Variants in ICA1 observed in about 807,000 individuals in gnomAD.
ICA1 encodes the protein islet cell autoantigen 1.
In ICA1, 40 loss-of-function variants were observed where a neutral mutation model predicts 71.0. That is an observed-to-expected ratio of 0.56 (90% CI 0.44 to 0.73). The LOEUF is 0.73. ICA1 is among the 30% of genes least tolerant of loss of function. ICA1 has a pLI of 0.00. For synonymous variants in ICA1, 207 were observed against 209.5 expected (o/e 0.99, Z 0.10); for missense variants, 578 against 576.5 (o/e 1.00, Z -0.03).
At chr7:8,203,833 G>C (rs1790562194) in intron 6 of ICA1, among the ~76,000 whole-genome samples, 1 of 152,148 alleles carries the variant, frequency 6.6e-6, no homozygotes, top group African/African-American at 2.4e-5. Context: ...AGGATCCTTT[G>C]CTGGATGCTG....
chr7:8,124,309 C>CGG (rs111726380), intron 13 of ICA1, among the ~76,000 whole-genome samples: 6,799 of 151,384 alleles, frequency 0.045, 300 homozygotes, highest in African/African-American at 0.12. Flanking sequence ...TTAGTAGAGC[C>CGG]GGGGTTTCAC....
At chr7:8,204,136 T>C (rs1194218464) in intron 6 of ICA1, among the ~76,000 whole-genome samples, 1 of 151,786 alleles carries the variant, frequency 6.6e-6, no homozygotes, top group African/African-American at 2.4e-5. Flanking sequence ...GAAAAACGAG[T>C]TCAGAGGACG....
At chr7:8,131,751 C>A (rs181507380) in intron 12 of ICA1, among the ~76,000 whole-genome samples, 2 of 152,184 alleles carry the variant, frequency 1.3e-5, no homozygotes, top group South Asian at 2.1e-4. Flanking sequence ...TGTAACCAGA[C>A]AAGTTGAGAC....
intron 6 of ICA1, among the ~76,000 whole-genome samples, chr7:8,186,506 T>C (rs1783960025): frequency 6.6e-6 from 1 of 151,770 alleles, no homozygotes; most frequent in African/African-American, 2.4e-5. Context: ...AGTAGAGTGG[T>C]TTTTCAGGAA....
At chr7:8,152,971 T>TACCCC (rs1800120504) in intron 8 of ICA1, among the ~76,000 whole-genome samples, 1 of 143,580 alleles carries the variant, frequency 7.0e-6, no homozygotes, top group South Asian at 2.5e-4. Context: ...ATCTCCTCCA[T>TACCCC]CACCACTACC....
intron 6 of ICA1, among the ~76,000 whole-genome samples, chr7:8,187,423 T>C (rs750543044): frequency 5.3e-5 from 8 of 152,156 alleles, no homozygotes; most frequent in Non-Finnish European, 7.4e-5. Flanking sequence ...TGTAGGGCAC[T>C]TCCCACAAAT....
At chr7:8,243,138 C>T (rs181605656) in intron 1 of ICA1, among the ~76,000 whole-genome samples, 10 of 152,248 alleles carry the variant, frequency 6.6e-5, no homozygotes, top group African/African-American at 2.4e-4. Context: ...GACCTATATC[C>T]CTGATAAACA....
intron 4 of ICA1, among the ~76,000 whole-genome samples, chr7:8,225,448 T>C (rs1798326559): frequency 6.6e-6 from 1 of 152,238 alleles, no homozygotes; most frequent in Non-Finnish European, 1.5e-5. Flanking sequence ...CCTTATGTTC[T>C]AGTGCTACAA....
At chr7:8,194,655 A>T (rs925290603) in intron 6 of ICA1, among the ~76,000 whole-genome samples, 1 of 152,242 alleles carries the variant, frequency 6.6e-6, no homozygotes, top group South Asian at 2.1e-4. Context: ...AGGTTTATGT[A>T]CAAAAAGTTT....
chr7:8,239,215 T>TAATTGTTTATGTCAGGA (rs1802903877), intron 1 of ICA1, among the ~76,000 whole-genome samples: 1 of 152,250 alleles, frequency 6.6e-6, no homozygotes, highest in Non-Finnish European at 1.5e-5. Context: ...TAAGATTTCC[T>TAATTGTTTATGTCAGGA]GACATAATCT....
chr7:8,131,176 C>T (rs1414511570), intron 12 of ICA1, among the ~76,000 whole-genome samples: 1 of 152,172 alleles, frequency 6.6e-6, no homozygotes, highest in African/African-American at 2.4e-5. Flanking sequence ...ATAATGAAGT[C>T]AACACATAGA....
chr7:8,177,042 T>C (rs971430151), intron 6 of ICA1, among the ~76,000 whole-genome samples: 3 of 152,252 alleles, frequency 2.0e-5, no homozygotes, highest in Admixed American at 1.3e-4. Flanking sequence ...TACTACTCTC[T>C]TTCCTTATCA....
intron 10 of ICA1, among the ~76,000 whole-genome samples, chr7:8,140,411 C>A (rs1314601695): frequency 6.6e-6 from 1 of 152,202 alleles, no homozygotes; most frequent in Non-Finnish European, 1.5e-5. Context: ...TCTGCTTTGA[C>A]AAGTCTTGCC....
intron 1 of ICA1, among the ~76,000 whole-genome samples, chr7:8,248,594 TG>T (rs1324885809): frequency 2.0e-5 from 3 of 152,124 alleles, no homozygotes; most frequent in Admixed American, 2.0e-4. Flanking sequence ...TGCACACTTG[TG>T]GTCCCAGCTA....
At position 8,232,691 on chromosome 7, in the gene ICA1, G is replaced by C. The variant is rs748434259; in HGVS notation, c.82C>G (p.Gln28Glu). Residue 28 changes from glutamine (Q) to glutamate (E), a missense_variant, in exon 3 of 14, where the codon CAG (glutamine) becomes GAG (glutamate). By Grantham distance (29) the Gln-to-Glu change is conservative. Transcript: ENST00000402384. Reference protein sequence around the residue: ...QDKSVVNKMQQKYWETKQAFI... With the variant: ...QDKSVVNKMQEKYWETKQAFI... The stretch of plus-strand genomic sequence containing the variant: ...GCCTGCTTCGTCTCCCAATATTTCT[G>C]TTGCATCTTATTTACAACTGACTTA... The C allele has an allele frequency of 6.8e-6, 11 of 1,612,304 alleles. No homozygotes were observed. The highest frequency in any genetic ancestry group is 9.3e-6 in the Non-Finnish European group (11 of 1,179,166).
At position 8,113,876 on chromosome 7, in the gene ICA1, GGAGCTGCTGGGGGCGGCATGT is replaced by G; in HGVS notation, c.*26_*46del. The G allele has an allele frequency of 6.2e-7, 1 of 1,602,390 alleles. No homozygotes were observed. The highest frequency in any genetic ancestry group is 8.6e-7 in the Non-Finnish European group (1 of 1,169,544). Reference sequence around the variant, plus strand: ...CTTTATACTTCTGCTAGCCCCCAGGGGAGCTGCTGGGGGCGGCATGTGAGTGCCCTCCCGAAGGGTACAGAT... The same window carrying G: ...CTTTATACTTCTGCTAGCCCCCAGGGGAGTGCCCTCCCGAAGGGTACAGAT... On this transcript the variant is annotated 3_prime_UTR_variant, in exon 14 of 14. Transcript: ENST00000402384. This position sits in a 1 kb window ranked among gnomAD's most constrained non-coding sequence, Gnocchi z 4.2.
intron 12 of ICA1, among the ~76,000 whole-genome samples, chr7:8,128,827 G>A (rs1790332672): frequency 6.6e-6 from 1 of 152,116 alleles, no homozygotes; most frequent in East Asian, 1.9e-4. Flanking sequence ...AGTTCGAGGG[G>A]CGTTGAAGTG....
At chr7:8,148,729 C>T (rs557171893) in intron 8 of ICA1, among the ~76,000 whole-genome samples, 6 of 151,842 alleles carry the variant, frequency 4.0e-5, no homozygotes, top group East Asian at 1.9e-4. Flanking sequence ...GTAGACCAAA[C>T]GAAGCTAAAT....
chr7:8,249,599 A>T (rs1359201000), intron 1 of ICA1, among the ~76,000 whole-genome samples: 1 of 152,212 alleles, frequency 6.6e-6, no homozygotes, highest in African/African-American at 2.4e-5. Context: ...AGCTGGTGAC[A>T]TGTCTCTCAG....
Sources: gnomAD v4.1 joint callset for allele counts (sites outside exome capture counted in the v4.1 genomes callset) on GRCh38, gnomAD v4.1.1 for gene constraint, Gnocchi (gnomAD v3.1) non-coding constraint, MANE v1.5 for transcripts, NCBI Gene and HGNC (gene_info 2026-07-23, HGNC 2026-07-21) for gene names.